Variants in CELF4 observed in about 807,000 individuals in gnomAD.
CELF4 encodes the protein CUG-BP- and ETR-3-like factor 4.
CELF4 carries 18 observed loss-of-function variants against 59.9 expected under a neutral mutation model. That is an observed-to-expected ratio of 0.30 (90% CI 0.21 to 0.45). The LOEUF (loss-of-function observed/expected upper bound fraction) is 0.45, where lower values mean the gene tolerates loss of function less well. CELF4 is among the 20% of genes least tolerant of loss of function. The pLI, the probability that CELF4 is intolerant of heterozygous loss-of-function variation, is 1.00. For missense variants in CELF4, 456 were observed against 689.0 expected (o/e 0.66, Z 3.79); for synonymous variants, 261 against 267.1 (o/e 0.98, Z 0.22).
At chr18:37,266,384 G>A in intron 9 of CELF4, 149 bp downstream of exon 9, 1 of 829,420 alleles carries the variant, frequency 1.2e-6, no homozygotes, top group Non-Finnish European at 1.9e-6. Context: ...GCAGCCTGGA[G>A]GGTCTCTGCC....
In CELF4 at chr18:37,269,273, G is replaced by A. The variant is rs2089967236; in HGVS notation, c.1099+1495C>T. ...CTCTAGACTCCTCTGGCCTCTTCTT[G>A]GTGGATTGAGGGATATATTATGGGG... On this transcript the variant is annotated intron_variant, in intron 8 of 12. Coordinates refer to ENST00000420428, the MANE Select transcript of CELF4 (RefSeq NM_020180.4). Among the ~76,000 whole-genome samples, 4 of 152,216 alleles carry A rather than the reference G, an allele frequency of 2.6e-5. No individual in the cohort carries two copies. In the South Asian group the frequency reaches 8.3e-4, roughly 32 times the overall value.
intron 3 of CELF4, among the ~76,000 whole-genome samples, chr18:37,316,331 GT>G (rs1338434346): frequency 1.3e-5 from 2 of 152,300 alleles, no homozygotes; most frequent in South Asian, 2.1e-4. Context: ...ATAAATCTGA[GT>G]TTAAATACAA....
At chr18:37,320,534 A>G (rs1161581908) in intron 3 of CELF4, among the ~76,000 whole-genome samples, 1 of 152,010 alleles carries the variant, frequency 6.6e-6, no homozygotes, top group East Asian at 1.9e-4. Context: ...TCACTTCTGT[A>G]TGGCTGTTTG....
chr18:37,288,797 G>A (rs978363797), intron 3 of CELF4, among the ~76,000 whole-genome samples: 2 of 152,084 alleles, frequency 1.3e-5, no homozygotes, highest in Non-Finnish European at 2.9e-5. Context: ...CATTTTGAAG[G>A]GTGGCAACAT....
intron 2 of CELF4, among the ~76,000 whole-genome samples, chr18:37,344,190 A>G (rs2098163788): frequency 6.6e-6 from 1 of 152,234 alleles, no homozygotes; most frequent in Non-Finnish European, 1.5e-5. Context: ...GGGGCTGGGC[A>G]TCCACAGTAA....
rs112306599 is a variant in CELF4, at chr18:37,476,896, G to A, written c.369+8629C>T. Among the ~76,000 whole-genome samples the A allele has an allele frequency of 5.8e-3, 879 of 152,332 alleles. 6 individuals carry two copies. The highest frequency in any genetic ancestry group is 8.6e-3 in the Admixed American group (132 of 15,308). On this transcript the variant is annotated intron_variant, in intron 2 of 12. Transcript: ENST00000420428. ...CCACATTCACACCTGCACCGGCGGC[G>A]AATGCCTGGGCCAAAGCACCTTCCA...
In CELF4 at chr18:37,303,108, T is replaced by C. The variant is rs147167183; in HGVS notation, c.448+18695A>G. Among the ~76,000 whole-genome samples, 3 of 152,278 alleles carry C rather than the reference T, an allele frequency of 2.0e-5. No homozygotes were observed. The East Asian group carries it at 5.8e-4, about 29-fold the overall frequency. ...AGGAACAGGCATGAAAGTACCATTG[T>C]TCTCAGCACTTCCTTTGGCTCATTT... On this transcript the variant is annotated intron_variant, in intron 3 of 12. Coordinates refer to ENST00000420428, the MANE Select transcript of CELF4 (RefSeq NM_020180.4).
chr18:37,254,098 G>C lies in CELF4; in HGVS notation c.1334-160C>G. 5.7e-6 allele frequency: 2 copies of C among 351,180 alleles called. No individual in the cohort carries two copies. Among genetic ancestry groups the C allele is most frequent in the Non-Finnish European group, 9.0e-6 (2 of 222,754 alleles). The allele number at this position is 351,180 out of a possible 1,614,324, so 21.8% of individuals were successfully genotyped here. ...CCCGGTGCCCGCCCCTCTCCAGCCC[G>C]CGCGCGCGTGCTAGGCCCCTCCGGG... On this transcript the variant is annotated intron_variant, in intron 11 of 12. Coordinates refer to ENST00000420428, the MANE Select transcript of CELF4 (RefSeq NM_020180.4). This position sits in a 1 kb window ranked among gnomAD's most constrained non-coding sequence, Gnocchi z 5.1.
intron 2 of CELF4, among the ~76,000 whole-genome samples, chr18:37,413,052 A>T (rs962637237): frequency 1.3e-5 from 2 of 152,138 alleles, no homozygotes; most frequent in Non-Finnish European, 2.9e-5. Context: ...CTCTTCAATC[A>T]TGCCTTTCCA....
chr18:37,288,262 G>A (rs147021448), intron 3 of CELF4, among the ~76,000 whole-genome samples: 306 of 152,308 alleles, frequency 2.0e-3, no homozygotes, highest in African/African-American at 6.8e-3. Context: ...CCCTTCCTGC[G>A]CGGAGGGATG....
intron 3 of CELF4, among the ~76,000 whole-genome samples, chr18:37,312,179 G>T (rs1399364903): frequency 7.1e-6 from 1 of 139,870 alleles, no homozygotes; most frequent in Non-Finnish European, 1.6e-5. Context: ...AAAACCCCAG[G>T]GCAGAGAAAT....
chr18:37,534,259 G>A (rs1228481831), intron 1 of CELF4, among the ~76,000 whole-genome samples: 10 of 152,112 alleles, frequency 6.6e-5, no homozygotes, highest in South Asian at 2.1e-4. Flanking sequence ...ATTAATCATC[G>A]GCCCCTAGCT....
chr18:37,393,856 C>CTTTT (rs397959278), intron 2 of CELF4, among the ~76,000 whole-genome samples: 2 of 131,122 alleles, frequency 1.5e-5, no homozygotes, highest in South Asian at 2.5e-4. Flanking sequence ...CTTTACGCGG[C>CTTTT]TTTTTTTTTT....
intron 1 of CELF4, among the ~76,000 whole-genome samples, chr18:37,500,865 A>T (rs1475627843): frequency 6.6e-6 from 1 of 152,102 alleles, no homozygotes; most frequent in Non-Finnish European, 1.5e-5. Context: ...TGTCTCAGCT[A>T]AGCTGAATGT....
intron 2 of CELF4, among the ~76,000 whole-genome samples, chr18:37,408,453 A>C (rs999577507): frequency 1.5e-5 from 2 of 130,752 alleles, no homozygotes; most frequent in Admixed American, 1.8e-4. Flanking sequence ...TGGAAAAATC[A>C]AGAAGGTTTT....
At chr18:37,497,667 GA>G (rs2099926772) in intron 1 of CELF4, among the ~76,000 whole-genome samples, 2 of 140,842 alleles carry the variant, frequency 1.4e-5, no homozygotes, top group African/African-American at 5.3e-5. Flanking sequence ...AAAAAAAAAA[GA>G]AAAAAGAAAG....
In CELF4 at chr18:37,474,397, G is replaced by A. The variant is rs1207170509; in HGVS notation, c.369+11128C>T. 2.6e-5 allele frequency among the ~76,000 whole-genome samples: 4 copies of A among 152,222 alleles called. No individual in the cohort carries two copies. The South Asian group carries it at 8.3e-4, about 32-fold the overall frequency. Reference sequence around the variant, plus strand: ...CCCTGCCCCACAGGGCCCCCTGGGTGTCTAGCAATCATGCCAGAGTCTCCT... The same window carrying A: ...CCCTGCCCCACAGGGCCCCCTGGGTATCTAGCAATCATGCCAGAGTCTCCT... On this transcript the variant is annotated intron_variant, in intron 2 of 12. Transcript: ENST00000420428.
At chr18:37,247,815 T>TC (rs1179465918) in intron 12 of CELF4, among the ~76,000 whole-genome samples, 3 of 152,020 alleles carry the variant, frequency 2.0e-5, no homozygotes, top group Admixed American at 6.5e-5. Flanking sequence ...AAACAGCCCC[T>TC]CAAACCACCT....
At chr18:37,362,179 T>C (rs1487893327) in intron 2 of CELF4, among the ~76,000 whole-genome samples, 1 of 152,140 alleles carries the variant, frequency 6.6e-6, no homozygotes, top group Non-Finnish European at 1.5e-5. Flanking sequence ...GATCTTCAAC[T>C]TGGCGTCTGA....
Sources: allele counts gnomAD v4.1 joint callset (sites outside exome capture counted in the v4.1 genomes callset), GRCh38; gene constraint gnomAD v4.1.1; non-coding constraint Gnocchi (gnomAD v3.1); transcripts MANE v1.5; gene names NCBI Gene and HGNC (gene_info 2026-07-23, HGNC 2026-07-21).